Variants in SDK1 observed in about 807,000 individuals in gnomAD.
The protein encoded by SDK1 is protein sidekick-1.
A neutral mutation model predicts 245.5 loss-of-function variants in SDK1; 157 were observed. The observed-to-expected ratio is 0.64, with a 90% CI of 0.56 to 0.73. SDK1 has a LOEUF of 0.73. Among genes scored for constraint, SDK1 ranks in the 30% least tolerant of loss-of-function variants. The probability of loss-of-function intolerance (pLI) is 0.00; values close to 1 mark genes in which losing one functional copy is unlikely to be tolerated. For missense variants in SDK1, 3,583 were observed against 3,002.3 expected (o/e 1.19, Z -4.52); for synonymous variants, 1,647 against 1,278.5 (o/e 1.29, Z -6.15).
chr7:3,488,088 G>T (rs1194659711), intron 1 of SDK1, among the ~76,000 whole-genome samples: 1 of 152,082 alleles, frequency 6.6e-6, no homozygotes, highest in Non-Finnish European at 1.5e-5. Context: ...TAATTTTTCA[G>T]TTCAACTCTT....
rs567976707 is a variant in SDK1 at position 4,064,673 on chromosome 7, G to A, written c.2912-3165G>A. On this transcript the variant is annotated intron_variant, in intron 19 of 44. Transcript: ENST00000404826. ...ACGGAATCAACCCAAGCGTCCATCA[G>A]TAGACCAACGGATAAGAAAATGTGG... Among the ~76,000 whole-genome samples the A allele has an allele frequency of 1.3e-4, 20 of 152,228 alleles. 1 individual carries two copies. The South Asian group carries it at 4.1e-3, about 32-fold the overall frequency.
intron 4 of SDK1, among the ~76,000 whole-genome samples, chr7:3,791,286 C>T (rs1781079978): frequency 6.6e-6 from 1 of 152,096 alleles, no homozygotes; most frequent in East Asian, 1.9e-4. Context: ...CGTGGAACTA[C>T]AGCCAGTGAG....
intron 1 of SDK1, among the ~76,000 whole-genome samples, chr7:3,317,636 A>G (rs1348603621): frequency 1.3e-5 from 2 of 152,090 alleles, no homozygotes; most frequent in Non-Finnish European, 2.9e-5. Flanking sequence ...AAGATTTTCT[A>G]CTTGCAGACT....
intron 1 of SDK1, among the ~76,000 whole-genome samples, chr7:3,440,424 A>C (rs1178006341): frequency 1.3e-5 from 2 of 151,974 alleles, no homozygotes; most frequent in East Asian, 3.9e-4. Context: ...ACAGATGTGT[A>C]GGTTTTCTGG....
At chr7:3,777,621 T>C (rs1039530842) in intron 4 of SDK1, among the ~76,000 whole-genome samples, 2 of 152,192 alleles carry the variant, frequency 1.3e-5, no homozygotes, top group African/African-American at 4.8e-5. Flanking sequence ...CCCTCTTAGC[T>C]ACTGGTGTGA....
intron 4 of SDK1, among the ~76,000 whole-genome samples, chr7:3,821,110 A>G (rs892438765): frequency 2.6e-5 from 4 of 152,158 alleles, no homozygotes; most frequent in Non-Finnish European, 5.9e-5. Flanking sequence ...GATTCCTTCT[A>G]ACTGGTCTTG....
intron 1 of SDK1, among the ~76,000 whole-genome samples, chr7:3,608,209 C>G (rs748671875): frequency 2.6e-5 from 4 of 152,142 alleles, no homozygotes; most frequent in Non-Finnish European, 5.9e-5. Flanking sequence ...TAAGCTTTGA[C>G]TCAAATAAAA....
chr7:3,906,070 T>C (rs1778905073), intron 5 of SDK1, among the ~76,000 whole-genome samples: 2 of 152,216 alleles, frequency 1.3e-5, no homozygotes, highest in Admixed American at 6.5e-5. Flanking sequence ...CTGTCTCTCT[T>C]TGCTACATTC....
At chr7:4,165,075 T>A (rs2128214032) in intron 32 of SDK1, among the ~76,000 whole-genome samples, 1 of 152,344 alleles carries the variant, frequency 6.6e-6, no homozygotes, top group South Asian at 2.1e-4. Context: ...TTTTGTTTTT[T>A]TAGTAATTAC....
chr7:4,046,491 A>G (rs7799331), intron 17 of SDK1, among the ~76,000 whole-genome samples: 44,475 of 152,092 alleles, frequency 0.29, 9,731 homozygotes, highest in African/African-American at 0.62. Flanking sequence ...AATGGTAAGA[A>G]ATATAGATCT....
At chr7:3,419,372 C>T (rs1176298698) in intron 1 of SDK1, among the ~76,000 whole-genome samples, 2 of 152,090 alleles carry the variant, frequency 1.3e-5, no homozygotes, top group African/African-American at 4.8e-5. Context: ...ACTGTTGTTC[C>T]CTCTTGTGCC....
intron 5 of SDK1, among the ~76,000 whole-genome samples, chr7:3,909,566 G>A (rs1018892790): frequency 1.1e-4 from 16 of 152,216 alleles, no homozygotes; most frequent in Admixed American, 1.3e-4. Flanking sequence ...CAGTGACGGT[G>A]TTAGTGACCC....
intron 5 of SDK1, among the ~76,000 whole-genome samples, chr7:3,844,681 C>G (rs948956879): frequency 9.9e-5 from 15 of 152,168 alleles, no homozygotes; most frequent in African/African-American, 3.4e-4. Context: ...TTAAAAAGTG[C>G]CACTTAATGT....
At chr7:4,090,630 G>A (rs1781727611) in intron 22 of SDK1, among the ~76,000 whole-genome samples, 1 of 152,150 alleles carries the variant, frequency 6.6e-6, no homozygotes, top group Admixed American at 6.5e-5. Flanking sequence ...GGCACAAGAT[G>A]TTCCCAACTC....
intron 4 of SDK1, among the ~76,000 whole-genome samples, chr7:3,766,326 C>T (rs1383472854): frequency 1.3e-5 from 2 of 152,142 alleles, no homozygotes; most frequent in East Asian, 1.9e-4. Context: ...ATGATCCAAA[C>T]GTTATTAATT....
chr7:3,491,092 G>A (rs547998392), intron 1 of SDK1, among the ~76,000 whole-genome samples: 2 of 152,254 alleles, frequency 1.3e-5, no homozygotes, highest in African/African-American at 4.8e-5. Context: ...GATTACAGCC[G>A]AAAAAGGTTA....
chr7:4,167,732 G>C (rs1387729481), intron 32 of SDK1, among the ~76,000 whole-genome samples: 1 of 152,272 alleles, frequency 6.6e-6, no homozygotes, highest in African/African-American at 2.4e-5. Flanking sequence ...CATATGCAGA[G>C]TCAGAGACAT....
intron 13 of SDK1, among the ~76,000 whole-genome samples, chr7:3,983,989 ACTAGTTTGC>A (rs1479270974): frequency 5.3e-5 from 8 of 152,160 alleles, no homozygotes; most frequent in Admixed American, 3.9e-4. Context: ...ACGCCTCAAG[ACTAGTTTGC>A]TTTCTAAGTT....
At chr7:3,983,490 G>T (rs1435245971) in intron 13 of SDK1, among the ~76,000 whole-genome samples, 2 of 110,216 alleles carry the variant, frequency 1.8e-5, no homozygotes, top group African/African-American at 2.9e-5. Flanking sequence ...TTAGCATGAA[G>T]TATCTTTAAG....
Sources: gnomAD v4.1 joint callset for allele counts (sites outside exome capture counted in the v4.1 genomes callset) on GRCh38, gnomAD v4.1.1 for gene constraint, MANE v1.5 for transcripts, NCBI Gene and HGNC (gene_info 2026-07-23, HGNC 2026-07-21) for gene names.